Variants in APOE observed in about 807,000 individuals in gnomAD.
APOE encodes the protein apolipoprotein E.
A neutral mutation model predicts 13.1 loss-of-function variants in APOE; 10 were observed. The observed-to-expected ratio is 0.76, with a 90% CI of 0.47 to 1.29. APOE has a LOEUF of 1.29. APOE is among the 50% of genes most tolerant of loss of function. The probability of loss-of-function intolerance (pLI) is 0.00; values close to 1 mark genes in which losing one functional copy is unlikely to be tolerated. For missense variants in APOE, 471 were observed against 459.6 expected (o/e 1.02, Z -0.23); for synonymous variants, 211 against 207.1 (o/e 1.02, Z -0.16).
Position 44,908,608 on chromosome 19 carries a change from G to A in APOE, c.312G>A (p.Ala104=), listed in dbSNP as rs752409518. The A allele has an allele frequency of 6.2e-6, 10 of 1,612,004 alleles. No individual in the cohort carries two copies. The African/African-American group carries it at 1.1e-4, about 17-fold the overall frequency. ...SELEEQLTPV[A]EETRARLSKE... ...TGGAGGAACAACTGACCCCGGTGGCGGAGGAGACGCGGGCACGGCTGTCCA... is the reference window on the plus strand; with the variant it reads ...TGGAGGAACAACTGACCCCGGTGGCAGAGGAGACGCGGGCACGGCTGTCCA... The change falls in exon 4 of 4, where the codon GCG becomes GCA. Residue 104 remains alanine, a synonymous_variant. Transcript: ENST00000252486.
Position 44,907,458 on chromosome 19 carries a change from A to G in APOE, c.44-302A>G. The stretch of plus-strand genomic sequence containing the variant: ...CTAAAAATACAAAAATTAGCCAGGC[A>G]TGGTGCCACACACCTGTGCTCTCAG... On this transcript the variant is annotated intron_variant, in intron 2 of 3. Transcript: ENST00000252486. The surrounding 1 kb of genome is among the most constrained non-coding windows in gnomAD (Gnocchi z 4.1). 1 of 433,358 alleles carries G rather than the reference A, an allele frequency of 2.3e-6. No homozygotes were observed. Among genetic ancestry groups the G allele is most frequent in the Non-Finnish European group, 4.3e-6 (1 of 231,966 alleles). The allele number at this position is 433,358 out of a possible 1,614,324, so 26.8% of individuals were successfully genotyped here.
rs547472686 is a variant in APOE at position 44,908,969 on chromosome 19, G to A, written c.673G>A (p.Ala225Thr). 10 of 1,530,086 alleles carry A rather than the reference G, an allele frequency of 6.5e-6. No homozygotes were observed. The African/African-American group carries it at 6.9e-5, about 11-fold the overall frequency. 94.8% of individuals were successfully genotyped at this position (1,530,086 alleles called of 1,614,324 possible). A position where few individuals can be genotyped will look rare whatever the true frequency, so the allele number is the denominator to read the frequency against. ...GGCCGGCCAGCCGCTACAGGAGCGGGCCCAGGCCTGGGGCGAGCGGCTGCG... is the reference window on the plus strand; with the variant it reads ...GGCCGGCCAGCCGCTACAGGAGCGGACCCAGGCCTGGGGCGAGCGGCTGCG... ...SLAGQPLQER[A>T]QAWGERLRAR... The change falls in exon 4 of 4, where the codon GCC becomes ACC. Residue 225 changes from alanine to threonine, a missense_variant. Physicochemically the swap from Ala to Thr is moderately conservative, Grantham distance 58. Coordinates refer to ENST00000252486, the MANE Select transcript of APOE (RefSeq NM_000041.4).
chr19:44,908,546 G>T lies in APOE; in HGVS notation c.250G>T (p.Glu84Ter). The T allele has an allele frequency of 1.2e-6, 2 of 1,613,636 alleles. No homozygotes were observed. The highest frequency in any genetic ancestry group is 1.3e-5 in the African/African-American group (1 of 75,038). Reference protein sequence around the residue: ...VTQELRALMDETMKELKAYKS... With the variant: ...VTQELRALMD ...TCTCGGCCGCAGGGCGCTGATGGAC[G>T]AGACCATGAAGGAGTTGAAGGCCTA... The change falls in exon 4 of 4, where the codon GAG becomes TAG. Residue 84 changes from glutamate to a stop codon, truncating the protein, a stop_gained. Transcript: ENST00000252486. LOFTEE classifies it low-confidence loss of function (END_TRUNC).
In APOE at chr19:44,905,803, G is replaced by T; in HGVS notation, c.-62G>T. ...GTCTGGGATCCTTGAGTCCTACTCA[G>T]CCCCAGCGGAGGTGAAGGACGTCCT... On this transcript the variant is annotated 5_prime_UTR_variant, in exon 1 of 4. Coordinates refer to ENST00000252486, the MANE Select transcript of APOE (RefSeq NM_000041.4). 1 of 1,262,096 alleles carries T rather than the reference G, an allele frequency of 7.9e-7. No individual in the cohort carries two copies. Among genetic ancestry groups the T allele is most frequent in the Non-Finnish European group, 1.0e-6 (1 of 954,094 alleles). The allele number at this position is 1,262,096 out of a possible 1,614,324, so 78.2% of individuals were successfully genotyped here. A position where few individuals can be genotyped will look rare whatever the true frequency, so the allele number is the denominator to read the frequency against.
In APOE at chr19:44,908,786, A is replaced by C. The variant is rs121918394; in HGVS notation, c.490A>C (p.Lys164Gln). 2 of 1,557,152 alleles carry C rather than the reference A, an allele frequency of 1.3e-6. No homozygotes were observed. Among genetic ancestry groups the C allele is most frequent in the Non-Finnish European group, 1.7e-6 (2 of 1,154,112 alleles). Residue 164 changes from lysine to glutamine, a missense_variant, in exon 4 of 4, where the codon AAG (lysine) becomes CAG (glutamine). Physicochemically the swap from Lys to Gln is moderately conservative, Grantham distance 53. Coordinates refer to ENST00000252486, the MANE Select transcript of APOE (RefSeq NM_000041.4). ...RLASHLRKLR[K>Q]RLLRDADDLQ... The stretch of plus-strand genomic sequence containing the variant: ...CGCCTCCCACCTGCGCAAGCTGCGT[A>C]AGCGGCTCCTCCGCGATGCCGATGA...
In APOE at chr19:44,908,593, A is replaced by G; in HGVS notation, c.297A>G (p.Gln99=). 6.2e-7 allele frequency: 1 copy of G among 1,613,416 alleles called. No homozygotes were observed. The highest frequency in any genetic ancestry group is 1.1e-5 in the South Asian group (1 of 91,014). Residue 99 remains glutamine (Q), a synonymous_variant, in exon 4 of 4, where the codon CAA becomes CAG. Transcript: ENST00000252486. ...CCTACAAATCGGAACTGGAGGAACAACTGACCCCGGTGGCGGAGGAGACGC... is the reference window on the plus strand; with the variant it reads ...CCTACAAATCGGAACTGGAGGAACAGCTGACCCCGGTGGCGGAGGAGACGC... ...LKAYKSELEE[Q]LTPVAEETRA... is the part of the protein sequence containing the mutation.
Position 44,908,718 on chromosome 19 carries a change from A to C in APOE, c.422A>C (p.Gln141Pro). 6.4e-7 allele frequency: 1 copy of C among 1,560,000 alleles called. No homozygotes were observed. The highest frequency in any genetic ancestry group is 8.7e-7 in the Non-Finnish European group (1 of 1,152,792). The change falls in exon 4 of 4, where the codon CAG (glutamine) becomes CCG (proline). Residue 141 changes from glutamine (Q) to proline (P), a missense_variant. Coordinates refer to ENST00000252486, the MANE Select transcript of APOE (RefSeq NM_000041.4). ...GRLVQYRGEV[Q>P]AMLGQSTEEL... Reference sequence around the variant, plus strand: ...CTGGTGCAGTACCGCGGCGAGGTGCAGGCCATGCTCGGCCAGAGCACCGAG... The same window carrying C: ...CTGGTGCAGTACCGCGGCGAGGTGCCGGCCATGCTCGGCCAGAGCACCGAG...
chr19:44,906,171 G>C (rs1969802910), intron 1 of APOE, among the ~76,000 whole-genome samples: 1 of 152,190 alleles, frequency 6.6e-6, no homozygotes, highest in Non-Finnish European at 1.5e-5. Context: ...TGGGGAGCCA[G>C]GGGCAGCGAC....
Position 44,908,750 on chromosome 19 carries a change from C to A in APOE, c.454C>A (p.Arg152=). 1 of 1,560,410 alleles carries A rather than the reference C, an allele frequency of 6.4e-7. No homozygotes were observed. The highest frequency in any genetic ancestry group is 8.7e-7 in the Non-Finnish European group (1 of 1,153,818). Residue 152 remains arginine (R), a synonymous_variant, in exon 4 of 4, where the codon CGG becomes AGG. Coordinates refer to ENST00000252486, the MANE Select transcript of APOE (RefSeq NM_000041.4). ...GCTCGGCCAGAGCACCGAGGAGCTG[C>A]GGGTGCGCCTCGCCTCCCACCTGCG... ...AMLGQSTEEL[R]VRLASHLRKL... is the part of the protein sequence containing the mutation.
rs144354013 is a variant in APOE at position 44,906,655 on chromosome 19, A to G, written c.31A>G (p.Thr11Ala). 23 of 1,613,910 alleles carry G rather than the reference A, an allele frequency of 1.4e-5. No homozygotes were observed. The Admixed American group carries it at 2.5e-4, about 18-fold the overall frequency. Residue 11 changes from threonine (T) to alanine (A), a missense_variant, in exon 2 of 4, where the codon ACA (threonine) becomes GCA (alanine). Coordinates refer to ENST00000252486, the MANE Select transcript of APOE (RefSeq NM_000041.4). ...GGTTCTGTGGGCTGCGTTGCTGGTC[A>G]CATTCCTGGCAGGTATGGGGGCGGG... MKVLWAALLV[T>A]FLAGCQAKVE...
chr19:44,906,533 G>A lies in APOE; in HGVS notation c.-23-69G>A, dbSNP rs1382100273. 12 of 1,565,662 alleles carry A rather than the reference G, an allele frequency of 7.7e-6. No homozygotes were observed. The African/African-American group carries it at 1.1e-4, about 14-fold the overall frequency. On this transcript the variant is annotated intron_variant, in intron 1 of 3. Transcript: ENST00000252486. ...TGGAAGGCTAACCTGGGGTGAGGCC[G>A]GGTTGGGGCCGGGCTGGGGGTGGGA...
rs1486006050 is a variant in APOE, at chr19:44,907,987, G to A, written c.236+35G>A. 2.5e-6 allele frequency: 4 copies of A among 1,602,460 alleles called. No individual in the cohort carries two copies. In the African/African-American group the frequency reaches 4.0e-5, roughly 16 times the overall value. ...CCCATCCTGGCCCTTGACCCTCCTG[G>A]TGGGCGGCTATACCTCCCCAGGTCC... On this transcript the variant is annotated intron_variant, in intron 3 of 3. Coordinates refer to ENST00000252486, the MANE Select transcript of APOE (RefSeq NM_000041.4). This position sits in a 1 kb window ranked among gnomAD's most constrained non-coding sequence, Gnocchi z 4.1.
At chr19:44,908,406 C>G in intron 3 of APOE, 127 bp from the exon 4 acceptor site, 1 of 932,558 alleles carries the variant, frequency 1.1e-6, no homozygotes, top group Non-Finnish European at 1.7e-6. Context: ...GTCTCCTTCT[C>G]TCGGCCTCTG....
intron 1 of APOE, 148 bp from the exon 2 acceptor site, chr19:44,906,454 G>A (rs1599950587): frequency 1.3e-6 from 1 of 794,880 alleles, no homozygotes; most frequent in Non-Finnish European, 2.2e-6. Flanking sequence ...ATGGGTTGGG[G>A]GCGGCTTGGT....
intron 3 of APOE, 76 bp from the exon 4 acceptor site, chr19:44,908,457 C>T: frequency 6.8e-7 from 1 of 1,477,988 alleles, no homozygotes; most frequent in South Asian, 1.2e-5. Context: ...CTGGCTCATC[C>T]CCATCTCGCC....
Position 44,906,582 on chromosome 19 carries a change from G to A in APOE, c.-23-20G>A. On this transcript the variant is annotated intron_variant, in intron 1 of 3. Transcript: ENST00000252486. ...GAGGAGTCCTCACTGGCGGTTGATT[G>A]ACAGTTTCTCCTTCCCCAGACTGGC... 4 of 1,614,048 alleles carry A rather than the reference G, an allele frequency of 2.5e-6. No homozygotes were observed. The highest frequency in any genetic ancestry group is 1.6e-4 in the Middle Eastern group (1 of 6,062).
chr19:44,908,752 G>GGTGCGCCTCGCCTCCCACCTGCGC lies in APOE; in HGVS notation c.457_480dup (p.Val153_Arg160dup). 1 of 1,559,890 alleles carries GGTGCGCCTCGCCTCCCACCTGCGC rather than the reference G, an allele frequency of 6.4e-7. No individual in the cohort carries two copies. The highest frequency in any genetic ancestry group is 2.4e-5 in the East Asian group (1 of 41,822). On this transcript the variant is annotated inframe_insertion, in exon 4 of 4. Coordinates refer to ENST00000252486, the MANE Select transcript of APOE (RefSeq NM_000041.4). ...TCGGCCAGAGCACCGAGGAGCTGCGGGTGCGCCTCGCCTCCCACCTGCGCA... is the reference window on the plus strand; with the variant it reads ...TCGGCCAGAGCACCGAGGAGCTGCGGGTGCGCCTCGCCTCCCACCTGCGCGTGCGCCTCGCCTCCCACCTGCGCA...
chr19:44,906,770 G>T (rs774953816), intron 2 of APOE, 103 bp downstream of exon 2: 1 of 1,187,238 alleles, frequency 8.4e-7, no homozygotes, highest in Non-Finnish European at 1.3e-6. Context: ...CCTCTTCTGA[G>T]GCTTCTGTGC....
In APOE at chr19:44,907,814, G is replaced by T; in HGVS notation, c.98G>T (p.Arg33Leu). The change falls in exon 3 of 4, where the codon CGC (arginine) becomes CTC (leucine). Residue 33 changes from arginine to leucine, a missense_variant. By Grantham distance (102) the Arg-to-Leu change is moderately radical. Transcript: ENST00000252486. The surrounding 1 kb of genome is among the most constrained non-coding windows in gnomAD (Gnocchi z 4.1). ...AVETEPEPELRQQTEWQSGQR... is the reference protein window; with the variant it reads ...AVETEPEPELLQQTEWQSGQR... ...GAGACAGAGCCGGAGCCCGAGCTGC[G>T]CCAGCAGACCGAGTGGCAGAGCGGC... The T allele has an allele frequency of 6.2e-7, 1 of 1,613,888 alleles. No homozygotes were observed. Among genetic ancestry groups the T allele is most frequent in the Middle Eastern group, 1.6e-4 (1 of 6,062 alleles).
Sources: allele counts gnomAD v4.1 joint callset (sites outside exome capture counted in the v4.1 genomes callset), GRCh38; gene constraint gnomAD v4.1.1; non-coding constraint Gnocchi (gnomAD v3.1); transcripts MANE v1.5; gene names NCBI Gene and HGNC (gene_info 2026-07-23, HGNC 2026-07-21).